The following UTRN variants were observed in gnomAD, a reference collection of about 807,000 sequenced individuals.
UTRN encodes the protein dystrophin-related protein 1.
A neutral mutation model predicts 463.9 loss-of-function variants in UTRN; 283 were observed. The ratio of observed to expected loss-of-function variants is 0.61; its 90% confidence interval spans 0.55 to 0.67. The LOEUF is 0.67. UTRN is among the 30% of genes least tolerant of loss of function. The pLI, the probability that UTRN is intolerant of heterozygous loss-of-function variation, is 0.00. For synonymous variants in UTRN, 1,442 were observed against 1,431.5 expected, an observed-to-expected ratio of 1.01 and a Z score of -0.17; for missense variants, 3,922 against 4,084.3, an observed-to-expected ratio of 0.96 and a Z score of 1.08.
intron 48 of UTRN, 30 bp from the exon 49 acceptor site, chr6:144,554,657 AT>A (rs58746549): frequency 1.0e-5 from 16 of 1,596,658 alleles, no homozygotes; most frequent in East Asian, 6.7e-5. Context: ...ACATGTTGGG[AT>A]TTTTTTTTCT....
intron 23 of UTRN, among the ~76,000 whole-genome samples, chr6:144,465,335 G>C (rs1789841402): frequency 6.6e-6 from 1 of 152,144 alleles, no homozygotes; most frequent in Non-Finnish European, 1.5e-5. Context: ...AGAGTCCTGT[G>C]GTTATAGTAA....
intron 51 of UTRN, among the ~76,000 whole-genome samples, chr6:144,642,475 C>T (rs1585739024): frequency 1.3e-5 from 2 of 152,246 alleles, no homozygotes; most frequent in East Asian, 3.9e-4. Flanking sequence ...AAGTTTTGTG[C>T]TTGCCTTCCC....
At chr6:144,683,235 A>G (rs956004346) in intron 52 of UTRN, among the ~76,000 whole-genome samples, 1 of 152,174 alleles carries the variant, frequency 6.6e-6, no homozygotes, top group Non-Finnish European at 1.5e-5. Context: ...GAAACCATAC[A>G]TGGAAGAGTA....
chr6:144,382,786 A>G (rs1293548657), intron 2 of UTRN, among the ~76,000 whole-genome samples: 1 of 152,214 alleles, frequency 6.6e-6, no homozygotes, highest in African/African-American at 2.4e-5. Context: ...GAAAGTGTTT[A>G]ATAAATGTCA....
chr6:144,349,315 G>A (rs563976516), intron 2 of UTRN, among the ~76,000 whole-genome samples: 2 of 152,254 alleles, frequency 1.3e-5, no homozygotes, highest in South Asian at 4.1e-4. Flanking sequence ...GCCCTGAGCA[G>A]TTCTTTAAGG....
chr6:144,439,357 G>A (rs1786899842), intron 12 of UTRN, among the ~76,000 whole-genome samples: 1 of 152,178 alleles, frequency 6.6e-6, no homozygotes, highest in African/African-American at 2.4e-5. Flanking sequence ...AATAAAATAT[G>A]CTCTCTGTAA....
At chr6:144,389,128 A>C (rs1225695438) in intron 2 of UTRN, among the ~76,000 whole-genome samples, 1 of 152,220 alleles carries the variant, frequency 6.6e-6, no homozygotes, top group East Asian at 1.9e-4. Context: ...CATATGTAAG[A>C]TGAACATTGG....
At chr6:144,355,536 A>C (rs1238046057) in intron 2 of UTRN, among the ~76,000 whole-genome samples, 2 of 152,202 alleles carry the variant, frequency 1.3e-5, no homozygotes, top group African/African-American at 4.8e-5. Flanking sequence ...ACATTATGTG[A>C]AACCTAAAAT....
chr6:144,435,977 A>G lies in UTRN; in HGVS notation c.898A>G (p.Thr300Ala). Residue 300 changes from threonine (T) to alanine (A), a missense_variant, in exon 10 of 75, where the codon ACT becomes GCT. By Grantham distance (58) the Thr-to-Ala change is moderately conservative. Around this residue, in one of 3 missense-constraint regions of UTRN, gnomAD observed 2,349 missense variants for 2,303.8 expected, o/e 1.02. Coordinates refer to ENST00000367545, the MANE Select transcript of UTRN (RefSeq NM_007124.3). ...GGAGCATGAGAGTCCCCGAGCTGAA[A>G]CTCCCAGCACTGTCACTGAGGTTGA... ...EEEHESPRAE[T>A]PSTVTEVDMD... is the part of the protein sequence containing the mutation. 6.2e-7 allele frequency: 1 copy of G among 1,614,014 alleles called. No individual in the cohort carries two copies. Among genetic ancestry groups the G allele is most frequent in the Non-Finnish European group, 8.5e-7 (1 of 1,179,994 alleles).
chr6:144,758,220 T>G (rs1792224750), intron 58 of UTRN: 1 of 325,370 alleles, frequency 3.1e-6, no homozygotes, highest in Non-Finnish European at 5.6e-6. Context: ...AAAGTAGAGA[T>G]TTAAATATTT....
At chr6:144,573,750 T>C (rs1801172939) in intron 50 of UTRN, among the ~76,000 whole-genome samples, 1 of 152,006 alleles carries the variant, frequency 6.6e-6, no homozygotes. Flanking sequence ...GATTGTCATT[T>C]GGTAAATACT....
chr6:144,701,249 G>T lies in UTRN; in HGVS notation c.7809+1006G>T, dbSNP rs185325681. Among the ~76,000 whole-genome samples, 203 of 151,656 alleles carry T rather than the reference G, an allele frequency of 1.3e-3. 2 individuals carry two copies. Among genetic ancestry groups the T allele is most frequent in the Admixed American group, 3.9e-3 (60 of 15,224 alleles). On this transcript the variant is annotated intron_variant, in intron 53 of 74. Coordinates refer to ENST00000367545, the MANE Select transcript of UTRN (RefSeq NM_007124.3). Reference sequence around the variant, plus strand: ...TACAAATTAATCTTAAATTCAAAAGGCATCGAGTCATAAGGAATTACAAAC... The same window carrying T: ...TACAAATTAATCTTAAATTCAAAAGTCATCGAGTCATAAGGAATTACAAAC...
chr6:144,450,904 C>T (rs184869267), intron 17 of UTRN, among the ~76,000 whole-genome samples: 9 of 152,140 alleles, frequency 5.9e-5, no homozygotes, highest in South Asian at 4.2e-4. Flanking sequence ...CAAGGCGGGC[C>T]GATCATGAGG....
intron 2 of UTRN, among the ~76,000 whole-genome samples, chr6:144,299,472 G>T (rs1805040159): frequency 6.6e-6 from 1 of 152,134 alleles, no homozygotes; most frequent in Non-Finnish European, 1.5e-5. Context: ...AAGAGTTTGG[G>T]TTGTGTTGGG....
chr6:144,657,961 T>C (rs1779500934), intron 51 of UTRN, among the ~76,000 whole-genome samples: 1 of 152,142 alleles, frequency 6.6e-6, no homozygotes, highest in African/African-American at 2.4e-5. Context: ...AAAAGTTTAT[T>C]TGCTGCTCTT....
intron 51 of UTRN, among the ~76,000 whole-genome samples, chr6:144,637,376 T>C (rs9484889): frequency 0.033 from 4,980 of 151,976 alleles, 266 homozygotes; most frequent in African/African-American, 0.11. Flanking sequence ...TTTACATTCA[T>C]TTATATTATA....
intron 19 of UTRN, among the ~76,000 whole-genome samples, chr6:144,457,358 G>C (rs1788956856): frequency 6.6e-6 from 1 of 152,142 alleles, no homozygotes; most frequent in South Asian, 2.1e-4. Context: ...ATGAGTAGTG[G>C]TAATTTTCCA....
At chr6:144,312,856 T>G (rs1171566490) in intron 2 of UTRN, among the ~76,000 whole-genome samples, 1 of 152,252 alleles carries the variant, frequency 6.6e-6, no homozygotes, top group Non-Finnish European at 1.5e-5. Context: ...CCATAGTGGA[T>G]TCATACAACT....
At chr6:144,801,432 G>C (rs912312802) in intron 64 of UTRN, among the ~76,000 whole-genome samples, 2 of 152,122 alleles carry the variant, frequency 1.3e-5, no homozygotes, top group African/African-American at 4.8e-5. Flanking sequence ...AGAATGAATG[G>C]AAAGACAAGT....
Sources: gnomAD v4.1 joint callset for allele counts (sites outside exome capture counted in the v4.1 genomes callset) on GRCh38, gnomAD v4.1.1 for gene constraint, gnomAD v4.1.1 regional missense constraint, MANE v1.5 for transcripts, NCBI Gene and HGNC (gene_info 2026-07-23, HGNC 2026-07-21) for gene names.